The following SLC41A2 variants were observed in gnomAD, a reference collection of about 807,000 sequenced individuals.
The protein encoded by SLC41A2 is solute carrier family 41 member 2, also known as SLC41A1-like 1.
A neutral mutation model predicts 58.3 loss-of-function variants in SLC41A2; 32 were observed. That is an observed-to-expected ratio of 0.55 (90% confidence interval 0.41 to 0.74). The LOEUF (loss-of-function observed/expected upper bound fraction) is 0.74. Ranked by LOEUF, SLC41A2 falls within the 30% of genes least tolerant of loss-of-function variation. The pLI is 0.00. For missense variants in SLC41A2, 514 were observed against 680.6 expected (o/e 0.76, Z 2.72); for synonymous variants, 190 against 235.0 (o/e 0.81, Z 1.75).
intron 6 of SLC41A2, among the ~76,000 whole-genome samples, chr12:104,884,351 C>G (rs1027265740): frequency 1.1e-4 from 16 of 152,186 alleles, no homozygotes; most frequent in Non-Finnish European, 4.4e-5. Flanking sequence ...GCTGCACCCA[C>G]AGTCCAACTA....
chr12:104,933,902 G>A (rs2047163363), intron 1 of SLC41A2, among the ~76,000 whole-genome samples: 1 of 151,972 alleles, frequency 6.6e-6, no homozygotes, highest in Non-Finnish European at 1.5e-5. Flanking sequence ...TGGTATAATG[G>A]ACACTGGAGA....
rs147514261 is a variant in SLC41A2, at chr12:104,863,419, G to A, written c.1176-2049C>T. ...CACTGTGCTTCAGCTGGGGAAACAC[G>A]GCGAGACACAATCTCTAAAAAGAAA... On this transcript the variant is annotated intron_variant, in intron 7 of 10. Transcript: ENST00000258538. Among the ~76,000 whole-genome samples the A allele has an allele frequency of 1.1e-4, 17 of 152,040 alleles. No homozygotes were observed. In the East Asian group the frequency reaches 2.9e-3, roughly 26 times the overall value.
chr12:104,904,722 G>A (rs1319254253), intron 3 of SLC41A2, among the ~76,000 whole-genome samples: 1 of 151,848 alleles, frequency 6.6e-6, no homozygotes, highest in Non-Finnish European at 1.5e-5. Flanking sequence ...AGACCTTCGC[G>A]ATGAGTGTTA....
At chr12:104,917,163 A>C (rs1167912315) in intron 2 of SLC41A2, among the ~76,000 whole-genome samples, 1 of 152,180 alleles carries the variant, frequency 6.6e-6, no homozygotes, top group Non-Finnish European at 1.5e-5. Flanking sequence ...AAGTGGGCGA[A>C]GGACATGAAC....
At chr12:104,948,896 G>A (rs1052972455) in intron 1 of SLC41A2, among the ~76,000 whole-genome samples, 8 of 152,194 alleles carry the variant, frequency 5.3e-5, no homozygotes, top group Non-Finnish European at 1.2e-4. Context: ...AACTATCTCT[G>A]CACTATCTTC....
At position 104,843,981 on chromosome 12, in the gene SLC41A2, G is replaced by A. The variant is rs555074887; in HGVS notation, c.1536+491C>T. On this transcript the variant is annotated intron_variant, in intron 10 of 10. Coordinates refer to ENST00000258538, the MANE Select transcript of SLC41A2 (RefSeq NM_001352171.3). ...CTACCTTCTAGCCTCCTTCCTACAC[G>A]CCAAACTCCTTGAAAGCCAAATGAT... 1.7e-4 allele frequency among the ~76,000 whole-genome samples: 26 copies of A among 152,068 alleles called. No homozygotes were observed. In the South Asian group the frequency reaches 4.6e-3, roughly 27 times the overall value.
intron 3 of SLC41A2, among the ~76,000 whole-genome samples, chr12:104,897,558 T>C (rs1593097615): frequency 6.6e-6 from 1 of 152,160 alleles, no homozygotes; most frequent in East Asian, 1.9e-4. Context: ...CTTTCTAATC[T>C]AGAAGTCTCT....
At chr12:104,929,079 T>C (rs2046958760) in intron 1 of SLC41A2, among the ~76,000 whole-genome samples, 1 of 152,206 alleles carries the variant, frequency 6.6e-6, no homozygotes, top group African/African-American at 2.4e-5. Context: ...TTTGCATCTG[T>C]CAGTACACAA....
chr12:104,951,123 G>A (rs2047934584), intron 1 of SLC41A2, among the ~76,000 whole-genome samples: 2 of 152,050 alleles, frequency 1.3e-5, no homozygotes, highest in African/African-American at 4.8e-5. Context: ...TTTTCAAATG[G>A]ATTCCCATAT....
chr12:104,837,167 G>T (rs570997542), intron 10 of SLC41A2, among the ~76,000 whole-genome samples: 1 of 152,114 alleles, frequency 6.6e-6, no homozygotes, highest in South Asian at 2.1e-4. Context: ...TTAAGAAGGG[G>T]CTAGAATTAG....
At chr12:104,818,804 G>C (rs2041516617) in intron 10 of SLC41A2, among the ~76,000 whole-genome samples, 1 of 152,056 alleles carries the variant, frequency 6.6e-6, no homozygotes, top group African/African-American at 2.4e-5. Flanking sequence ...TTGAACCCAG[G>C]GGGCAGAGGT....
chr12:104,885,403 T>C (rs2044606685), intron 6 of SLC41A2, among the ~76,000 whole-genome samples: 1 of 152,216 alleles, frequency 6.6e-6, no homozygotes, highest in Non-Finnish European at 1.5e-5. Context: ...TTCAAGAACA[T>C]ATATCTGAGA....
At position 104,950,589 on chromosome 12, in the gene SLC41A2, C is replaced by T. The variant is rs79933125; in HGVS notation, c.-168+7499G>A. 5.2e-3 allele frequency among the ~76,000 whole-genome samples: 798 copies of T among 152,286 alleles called. 20 individuals carry two copies. In the East Asian group the frequency reaches 0.093, roughly 18 times the overall value. On this transcript the variant is annotated intron_variant, in intron 1 of 10. Coordinates refer to ENST00000258538, the MANE Select transcript of SLC41A2 (RefSeq NM_001352171.3). ...CTCACTACTTTTCCCAGGCTGGTCA[C>T]GAACTCCTGAACTGAAGCCACCCTA...
At chr12:104,816,730 T>A (rs983610236) in intron 10 of SLC41A2, among the ~76,000 whole-genome samples, 13 of 152,110 alleles carry the variant, frequency 8.5e-5, no homozygotes, top group African/African-American at 3.1e-4. Context: ...CCCCTAAAAA[T>A]TTACAACCAC....
chr12:104,899,626 G>C (rs1237291188), intron 3 of SLC41A2, among the ~76,000 whole-genome samples: 5 of 152,030 alleles, frequency 3.3e-5, no homozygotes, highest in Non-Finnish European at 7.4e-5. Context: ...CCAAAGATTT[G>C]AGCACAATTT....
At chr12:104,885,783 AT>A (rs917161733) in intron 6 of SLC41A2, among the ~76,000 whole-genome samples, 9 of 151,138 alleles carry the variant, frequency 6.0e-5, no homozygotes, top group African/African-American at 1.5e-4. Flanking sequence ...TTTTGTGGTG[AT>A]TTTTTTTTCC....
chr12:104,928,268 T>C lies in SLC41A2; in HGVS notation c.260A>G (p.His87Arg). 1 of 1,613,880 alleles carries C rather than the reference T, an allele frequency of 6.2e-7. No individual in the cohort carries two copies. The highest frequency in any genetic ancestry group is 8.5e-7 in the Non-Finnish European group (1 of 1,179,790). The change falls in exon 2 of 11, where the codon CAC (histidine) becomes CGC (arginine). Residue 87 changes from histidine (H) to arginine (R), a missense_variant. By Grantham distance (29) the His-to-Arg change is conservative. Coordinates refer to ENST00000258538, the MANE Select transcript of SLC41A2 (RefSeq NM_001352171.3). ...ATGAAAAGACTGCTCTGAGAAACTG[T>C]GATACTCCATGTGTTGCTCAGATCT... Reference protein sequence around the residue: ...SNRSEQHMEYHSFSEQSFHAN... With the variant: ...SNRSEQHMEYRSFSEQSFHAN...
At chr12:104,922,116 G>T (rs910144659) in intron 2 of SLC41A2, among the ~76,000 whole-genome samples, 1 of 152,078 alleles carries the variant, frequency 6.6e-6, no homozygotes, top group African/African-American at 2.4e-5. Context: ...GAAAGGAAGA[G>T]TTACAAAACA....
intron 6 of SLC41A2, among the ~76,000 whole-genome samples, chr12:104,875,893 A>G (rs1325376490): frequency 1.3e-5 from 2 of 152,220 alleles, no homozygotes; most frequent in Admixed American, 6.5e-5. Flanking sequence ...AATGTTTGGT[A>G]GAATTCAGCC....
Sources: gnomAD v4.1 joint callset for allele counts (sites outside exome capture counted in the v4.1 genomes callset) on GRCh38, gnomAD v4.1.1 for gene constraint, MANE v1.5 for transcripts, NCBI Gene and HGNC (gene_info 2026-07-23, HGNC 2026-07-21) for gene names.